The following ENKUR variants were observed in gnomAD, a reference collection of about 807,000 sequenced individuals.
ENKUR encodes enkurin, TRPC channel interacting protein.
In ENKUR, 19 loss-of-function variants were observed where a neutral mutation model predicts 27.6. The ratio of observed to expected loss-of-function variants is 0.69; its 90% CI spans 0.48 to 1.01. ENKUR has a LOEUF of 1.01. Among genes scored for constraint, ENKUR ranks in the 50% least tolerant of loss-of-function variants. ENKUR has a pLI of 0.00. For missense variants in ENKUR, 312 were observed against 310.5 expected (o/e 1.00, Z -0.04); for synonymous variants, 117 against 96.9 (o/e 1.21, Z -1.22).
chr10:25,045,301 A>G (rs1273668850), intron 2 of ENKUR, among the ~76,000 whole-genome samples: 1 of 152,198 alleles, frequency 6.6e-6, no homozygotes, highest in Non-Finnish European at 1.5e-5. Flanking sequence ...GTGTATTCTT[A>G]TTATATGACC....
intron 2 of ENKUR, among the ~76,000 whole-genome samples, chr10:25,040,585 T>C (rs1851052598): frequency 6.6e-6 from 1 of 152,044 alleles, no homozygotes; most frequent in Admixed American, 6.6e-5. Flanking sequence ...TTAGCCAGGA[T>C]GGTCTCGATC....
In ENKUR at chr10:25,031,249, T is replaced by TGCTTTA. The variant is rs762839355; in HGVS notation, c.37+29857_37+29862dup. ...TTGAATCTGGGCTGATCTTGTGACT[T>TGCTTTA]GCTTTAATCAATAGAAAGTGGCAGA... On this transcript the variant is annotated intron_variant, in intron 2 of 5. Coordinates refer to the ENKUR transcript ENST00000615958. 5.3e-4 allele frequency among the ~76,000 whole-genome samples: 81 copies of TGCTTTA among 152,362 alleles called. 1 individual carries two copies. Among genetic ancestry groups the TGCTTTA allele is most frequent in the Admixed American group, 9.1e-4 (14 of 15,302 alleles).
chr10:25,024,869 A>T (rs1474421129), intron 2 of ENKUR: 7 of 1,613,962 alleles, frequency 4.3e-6, no homozygotes, highest in South Asian at 2.2e-5. Context: ...ACAGGACATT[A>T]TGATCTAAGG....
chr10:25,051,059 T>C (rs2130486079), intron 2 of ENKUR, among the ~76,000 whole-genome samples: 1 of 152,354 alleles, frequency 6.6e-6, no homozygotes, highest in South Asian at 2.1e-4. Context: ...ATTATGTATT[T>C]TATGTATCCT....
At chr10:25,009,491 T>A (rs1427938855) in intron 1 of ENKUR, among the ~76,000 whole-genome samples, 1 of 152,240 alleles carries the variant, frequency 6.6e-6, no homozygotes, top group African/African-American at 2.4e-5. Flanking sequence ...GAGAATCTTG[T>A]TAAATCCTTG....
upstream of ENKUR, among the ~76,000 whole-genome samples, chr10:25,018,655 A>G (rs10828738): frequency 0.9 from 127,652 of 142,246 alleles, 57,137 homozygotes; most frequent in East Asian, 1. Context: ...AACAAATGAG[A>G]GTTGTTTTTT....
chr10:25,033,325 G>A (rs1481293788), intron 2 of ENKUR, among the ~76,000 whole-genome samples: 1 of 147,972 alleles, frequency 6.8e-6, no homozygotes, highest in Non-Finnish European at 1.5e-5. Context: ...TATTGCTTGG[G>A]CTCAGGAATT....
chr10:25,023,312 A>G lies in ENKUR; in HGVS notation c.38-27443T>C, dbSNP rs138920040. On this transcript the variant is annotated intron_variant, in intron 2 of 5. Transcript: ENST00000615958. ...CATGTTAAAACGGATAAACATGCACAGCGATTTCTTTCAAGAACCTTTGCA... is the reference window on the plus strand; with the variant it reads ...CATGTTAAAACGGATAAACATGCACGGCGATTTCTTTCAAGAACCTTTGCA... The G allele has an allele frequency of 5.0e-6, 8 of 1,614,182 alleles. No homozygotes were observed. In the African/African-American group the frequency reaches 1.1e-4, roughly 22 times the overall value.
At chr10:25,001,440 A>AT (rs909017733) in intron 1 of ENKUR, among the ~76,000 whole-genome samples, 1 of 151,858 alleles carries the variant, frequency 6.6e-6, no homozygotes, top group Non-Finnish European at 1.5e-5. Flanking sequence ...AAATTTGACA[A>AT]TTTTTTTACC....
At chr10:25,004,797 G>T (rs1429885775) in intron 1 of ENKUR, among the ~76,000 whole-genome samples, 1 of 152,028 alleles carries the variant, frequency 6.6e-6, no homozygotes, top group Non-Finnish European at 1.5e-5. Context: ...TGCTTTTGTT[G>T]CCACTGCTTT....
chr10:25,003,474 T>C (rs1850241507), intron 1 of ENKUR, among the ~76,000 whole-genome samples: 1 of 152,232 alleles, frequency 6.6e-6, no homozygotes, highest in Non-Finnish European at 1.5e-5. Flanking sequence ...TCCAAAGTGC[T>C]GGGATAACAG....
At chr10:25,049,590 C>T (rs900654296) in intron 2 of ENKUR, among the ~76,000 whole-genome samples, 1 of 152,022 alleles carries the variant, frequency 6.6e-6, no homozygotes, top group Non-Finnish European at 1.5e-5. Flanking sequence ...GGGTTCGAGA[C>T]CAGCCTGGCC....
At chr10:24,987,720 G>T (rs1434825093) in intron 4 of ENKUR, among the ~76,000 whole-genome samples, 1 of 152,128 alleles carries the variant, frequency 6.6e-6, no homozygotes, top group Non-Finnish European at 1.5e-5. Context: ...GTTCTGTAGT[G>T]GGGGAAACAC....
At chr10:25,008,820 G>A (rs2132714923) in intron 1 of ENKUR, among the ~76,000 whole-genome samples, 1 of 152,216 alleles carries the variant, frequency 6.6e-6, no homozygotes, top group Non-Finnish European at 1.5e-5. Context: ...TGTTTATTGT[G>A]GCACTATTCA....
rs1310655834 is a variant in ENKUR at position 25,016,118 on chromosome 10, A to C, written c.-182T>G. The C allele has an allele frequency of 2.4e-6, 3 of 1,276,342 alleles. No individual in the cohort carries two copies. The highest frequency in any genetic ancestry group is 3.1e-5 in the East Asian group (1 of 32,452). The allele number at this position is 1,276,342 out of a possible 1,614,324, so 79.1% of individuals were successfully genotyped here. A position where few individuals can be genotyped will look rare whatever the true frequency, so the allele number is the denominator to read the frequency against. On this transcript the variant is annotated 5_prime_UTR_variant, in exon 1 of 6. Coordinates refer to ENST00000331161, the MANE Select transcript of ENKUR (RefSeq NM_145010.4). ...TTAGCAGTCCTCTCTCGGGAAGAAAACACCCTATTTCTCTCCGGATTGCTA... is the reference window on the plus strand; with the variant it reads ...TTAGCAGTCCTCTCTCGGGAAGAAACCACCCTATTTCTCTCCGGATTGCTA...
At chr10:25,020,238 A>ATATGTCTATATCTATATCTATATC (rs1850689831), upstream of ENKUR, among the ~76,000 whole-genome samples, 1 of 126,564 alleles carries the variant, frequency 7.9e-6, no homozygotes, top group African/African-American at 2.6e-5. Flanking sequence ...TTTCTTTAAA[A>ATATGTCTATATCTATATCTATATC]TATATCTATA....
intron 2 of ENKUR, among the ~76,000 whole-genome samples, chr10:25,059,137 T>C (rs946743736): frequency 2.0e-5 from 3 of 147,930 alleles, no homozygotes; most frequent in Non-Finnish European, 3.0e-5. Flanking sequence ...TCTTTCTTTT[T>C]TTTTTTTTTT....
chr10:25,025,112 CCA>C, intron 2 of ENKUR: 1 of 1,614,180 alleles, frequency 6.2e-7, no homozygotes, highest in Non-Finnish European at 8.5e-7. Flanking sequence ...GCTATTAACT[CCA>C]CCTATAATAC....
At chr10:25,000,584 A>G (rs1400881964) in intron 1 of ENKUR, among the ~76,000 whole-genome samples, 4 of 152,132 alleles carry the variant, frequency 2.6e-5, no homozygotes, top group African/African-American at 9.6e-5. Flanking sequence ...TCCTTTTAAA[A>G]TTCTGTGCTC....
Sources: allele counts gnomAD v4.1 joint callset (sites outside exome capture counted in the v4.1 genomes callset), GRCh38; gene constraint gnomAD v4.1.1; transcripts MANE v1.5; gene names NCBI Gene and HGNC (gene_info 2026-07-23, HGNC 2026-07-21).